ADGRL3: variants seen among roughly 807,000 people sequenced by gnomAD.
The protein encoded by ADGRL3 is adhesion G protein-coupled receptor L3, also known as calcium-independent alpha-latrotoxin receptor 3.
Under a neutral mutation model 153.5 loss-of-function variants are expected in ADGRL3, and 62 were observed. The observed-to-expected ratio is 0.40, with a 90% confidence interval of 0.33 to 0.50. The LOEUF (loss-of-function observed/expected upper bound fraction) is 0.50. Ranked by LOEUF, ADGRL3 falls within the 20% of genes least tolerant of loss-of-function variation. ADGRL3 has a pLI of 0.47. For missense variants in ADGRL3, 1,641 were observed against 1,859.4 expected (o/e 0.88, Z 2.16); for synonymous variants, 710 against 672.5 (o/e 1.06, Z -0.86).
rs533372823 is a variant in ADGRL3, at chr4:62,067,392, TC to T, written c.3815-773del. On this transcript the variant is annotated intron_variant, in intron 25 of 26. Coordinates refer to ENST00000683033, the MANE Select transcript of ADGRL3 (RefSeq NM_001387552.1). ...ATAGGATTGTTTTTAAAGGATCAAC[TC>T]TCAAAATGTTTGATTGCATACAATT... Among the ~76,000 whole-genome samples the T allele has an allele frequency of 1.6e-4, 25 of 152,204 alleles. 1 individual carries two copies. In the South Asian group the frequency reaches 5.2e-3, roughly 32 times the overall value.
At chr4:61,331,114 A>G (rs962738065) in intron 1 of ADGRL3, among the ~76,000 whole-genome samples, 1 of 152,148 alleles carries the variant, frequency 6.6e-6, no homozygotes, top group Non-Finnish European at 1.5e-5. Context: ...GACTGTGGAG[A>G]TAGTATGTTG....
intron 8 of ADGRL3, among the ~76,000 whole-genome samples, chr4:61,753,333 G>A (rs1365639476): frequency 6.6e-6 from 1 of 152,010 alleles, no homozygotes; most frequent in African/African-American, 2.4e-5. Context: ...CAGGACATTT[G>A]GCTCAAAGTG....
intron 13 of ADGRL3, among the ~76,000 whole-genome samples, chr4:61,931,859 G>A (rs538898835): frequency 6.6e-6 from 1 of 152,004 alleles, no homozygotes; most frequent in South Asian, 2.1e-4. Flanking sequence ...GCACCTTGTA[G>A]TTTTTTAGTT....
At chr4:61,331,230 T>C (rs1372182436) in intron 1 of ADGRL3, among the ~76,000 whole-genome samples, 2 of 152,182 alleles carry the variant, frequency 1.3e-5, no homozygotes, top group Non-Finnish European at 1.5e-5. Context: ...TATACGTAAA[T>C]TTTAAGATTA....
chr4:61,204,060 GC>G (rs1457065220), intron 1 of ADGRL3, among the ~76,000 whole-genome samples: 1 of 152,090 alleles, frequency 6.6e-6, no homozygotes, highest in African/African-American at 2.4e-5. Context: ...AGCTCTGACT[GC>G]TTTGGTGTTT....
At chr4:61,979,313 G>C (rs1016035519) in intron 17 of ADGRL3, among the ~76,000 whole-genome samples, 1 of 152,176 alleles carries the variant, frequency 6.6e-6, no homozygotes, top group African/African-American at 2.4e-5. Context: ...TTCTGAAAAT[G>C]CTTGTAGCTA....
At chr4:61,254,041 T>A (rs2091731223) in intron 1 of ADGRL3, among the ~76,000 whole-genome samples, 1 of 152,176 alleles carries the variant, frequency 6.6e-6, no homozygotes, top group Non-Finnish European at 1.5e-5. Context: ...AGCAGTCAAG[T>A]CGCATTATCA....
At chr4:61,493,105 T>A (rs2098275022) in intron 2 of ADGRL3, among the ~76,000 whole-genome samples, 1 of 152,180 alleles carries the variant, frequency 6.6e-6, no homozygotes, top group South Asian at 2.1e-4. Flanking sequence ...TTCAGAGTGG[T>A]GATATATATT....
At position 61,813,800 on chromosome 4, in the gene ADGRL3, G is replaced by T. The variant is rs780756492; in HGVS notation, c.1400-9G>T. 7.5e-6 allele frequency: 12 copies of T among 1,603,446 alleles called. No individual in the cohort carries two copies. Among genetic ancestry groups the T allele is most frequent in the Non-Finnish European group, 1.0e-5 (12 of 1,170,646 alleles). On this transcript the variant is annotated splice_polypyrimidine_tract_variant and intron_variant, in intron 8 of 26. Transcript: ENST00000683033. ...GATGTCTTCTTAACAATTTGTTTTG[G>T]GTCCACAGGGCAGGCACATCATGGA...
In ADGRL3 at chr4:61,248,341, A is replaced by G. The variant is rs149185451; in HGVS notation, c.-240+46576A>G. Among the ~76,000 whole-genome samples the G allele has an allele frequency of 4.4e-3, 673 of 152,202 alleles. 2 individuals carry two copies. Among genetic ancestry groups the G allele is most frequent in the African/African-American group, 0.015 (615 of 41,538 alleles). Reference sequence around the variant, plus strand: ...TAAATTAAATTATTGCTTATGTAACATTTCTTTCCAAGTATTGAGTCTGAT... The same window carrying G: ...TAAATTAAATTATTGCTTATGTAACGTTTCTTTCCAAGTATTGAGTCTGAT... On this transcript the variant is annotated intron_variant, in intron 1 of 26. Coordinates refer to ENST00000683033, the MANE Select transcript of ADGRL3 (RefSeq NM_001387552.1).
chr4:61,495,893 C>T (rs1176644844), intron 2 of ADGRL3, among the ~76,000 whole-genome samples: 2 of 152,062 alleles, frequency 1.3e-5, no homozygotes, highest in Non-Finnish European at 2.9e-5. Flanking sequence ...GAATGATGTT[C>T]GAACTGCATT....
rs1560795161 is a variant in ADGRL3 at position 61,532,566 on chromosome 4, G to GTGTGTA, written c.259+15053_259+15054insATGTGT. Among the ~76,000 whole-genome samples, 3 of 150,388 alleles carry GTGTGTA rather than the reference G, an allele frequency of 2.0e-5. No homozygotes were observed. The East Asian group carries it at 6.0e-4, about 30-fold the overall frequency. On this transcript the variant is annotated intron_variant, in intron 4 of 26. Transcript: ENST00000683033. ...CGCGCGCGCGCGCGCGTGTGTGTGTGTGTGTGTGTTTAAGGAATTCAACTG... is the reference window on the plus strand; with the variant it reads ...CGCGCGCGCGCGCGCGTGTGTGTGTGTGTGTATGTGTGTGTTTAAGGAATTCAACTG...
At chr4:61,372,564 C>G (rs2096547957) in intron 1 of ADGRL3, among the ~76,000 whole-genome samples, 1 of 152,206 alleles carries the variant, frequency 6.6e-6, no homozygotes, top group Admixed American at 6.5e-5. Context: ...CAGCGATCCA[C>G]TTGAGGAGGC....
chr4:61,705,181 C>T (rs2095836319), intron 6 of ADGRL3, among the ~76,000 whole-genome samples: 1 of 152,114 alleles, frequency 6.6e-6, no homozygotes, highest in Non-Finnish European at 1.5e-5. Context: ...CTATCTATGG[C>T]AGCTATAGAC....
chr4:61,847,092 A>G (rs923787075), intron 9 of ADGRL3, among the ~76,000 whole-genome samples: 1 of 151,918 alleles, frequency 6.6e-6, no homozygotes, highest in African/African-American at 2.4e-5. Context: ...TTGGATGGGG[A>G]CAAATATCCA....
chr4:61,892,035 G>GA (rs1331876250), intron 9 of ADGRL3, among the ~76,000 whole-genome samples: 2 of 152,132 alleles, frequency 1.3e-5, no homozygotes, highest in African/African-American at 4.8e-5. Flanking sequence ...TTACATTAAT[G>GA]AAAATCAAAT....
rs1210717447 is a variant in ADGRL3, at chr4:61,996,628, G to A, written c.3303+271G>A. Among the ~76,000 whole-genome samples, 4 of 152,060 alleles carry A rather than the reference G, an allele frequency of 2.6e-5. No homozygotes were observed. The East Asian group carries it at 7.7e-4, about 29-fold the overall frequency. ...GGGTCCAATCCAACATAATACATTT[G>A]GTTTTATAGATATTTGAACAAGGAT... On this transcript the variant is annotated intron_variant, in intron 20 of 26. Coordinates refer to ENST00000683033, the MANE Select transcript of ADGRL3 (RefSeq NM_001387552.1).
intron 5 of ADGRL3, among the ~76,000 whole-genome samples, chr4:61,661,299 A>G (rs1273147416): frequency 6.6e-6 from 1 of 152,114 alleles, no homozygotes; most frequent in Non-Finnish European, 1.5e-5. Context: ...TGAATAATAC[A>G]GAATAGATCC....
chr4:61,326,605 G>GTC (rs2095471818), intron 1 of ADGRL3, among the ~76,000 whole-genome samples: 1 of 150,398 alleles, frequency 6.6e-6, no homozygotes, highest in Non-Finnish European at 1.5e-5. Flanking sequence ...GATAATGTGT[G>GTC]TGTGTGTGTG....
Sources: gnomAD v4.1 joint callset for allele counts (sites outside exome capture counted in the v4.1 genomes callset) on GRCh38, gnomAD v4.1.1 for gene constraint, MANE v1.5 for transcripts, NCBI Gene and HGNC (gene_info 2026-07-23, HGNC 2026-07-21) for gene names.